Variants in DYM observed in about 807,000 individuals in gnomAD.
DYM encodes the protein dymeclin.
Under a neutral mutation model 93.1 loss-of-function variants are expected in DYM, and 78 were observed. That is an observed-to-expected ratio of 0.84 (90% CI 0.70 to 1.01). The LOEUF (loss-of-function observed/expected upper bound fraction) is 1.01, where lower values mean the gene tolerates loss of function less well. Among genes scored for constraint, DYM ranks in the 50% least tolerant of loss-of-function variants. The probability of loss-of-function intolerance (pLI) is 0.00; values close to 1 mark genes in which losing one functional copy is unlikely to be tolerated. For missense variants in DYM, 789 were observed against 845.0 expected (o/e 0.93, Z 0.82); for synonymous variants, 321 against 319.7 (o/e 1.00, Z -0.04).
intron 15 of DYM, among the ~76,000 whole-genome samples, chr18:49,120,324 A>G (rs1177536981): frequency 1.3e-5 from 2 of 152,134 alleles, no homozygotes; most frequent in Non-Finnish European, 2.9e-5. Flanking sequence ...CCACCCAACT[A>G]TATGCTATCT....
chr18:49,080,746 G>A (rs550504563), intron 17 of DYM, among the ~76,000 whole-genome samples: 17 of 148,632 alleles, frequency 1.1e-4, no homozygotes, highest in African/African-American at 3.0e-4. Context: ...CTTCTCAGAC[G>A]GGGCAGCTCC....
At chr18:49,361,113 A>T (rs1599671913) in intron 6 of DYM, among the ~76,000 whole-genome samples, 1 of 152,324 alleles carries the variant, frequency 6.6e-6, no homozygotes, top group East Asian at 1.9e-4. Flanking sequence ...GCACCACTCT[A>T]AACAATACTG....
At chr18:49,066,838 T>C (rs2076430171) in intron 17 of DYM, among the ~76,000 whole-genome samples, 2 of 152,176 alleles carry the variant, frequency 1.3e-5, no homozygotes, top group African/African-American at 2.4e-5. Flanking sequence ...CTATCATACT[T>C]GCATCTTGGC....
rs540571447 is a variant in DYM at position 49,161,152 on chromosome 18, C to G, written c.1728+2533G>C. Among the ~76,000 whole-genome samples the G allele has an allele frequency of 1.0e-4, 15 of 150,438 alleles. No homozygotes were observed. The South Asian group carries it at 3.2e-3, about 32-fold the overall frequency. On this transcript the variant is annotated intron_variant, in intron 15 of 17. Coordinates refer to ENST00000675505, the MANE Select transcript of DYM (RefSeq NM_001353214.3). Reference sequence around the variant, plus strand: ...GGAATTTTCCCACTATTTCTAGAAGCAGATGCTTTAAGAAATTCATTTTTA... The same window carrying G: ...GGAATTTTCCCACTATTTCTAGAAGGAGATGCTTTAAGAAATTCATTTTTA...
intron 15 of DYM, among the ~76,000 whole-genome samples, chr18:49,153,452 C>T (rs930247505): frequency 2.6e-5 from 4 of 152,254 alleles, no homozygotes; most frequent in South Asian, 4.2e-4. Context: ...ATTTCATGAT[C>T]CTCCTGGAGA....
intron 17 of DYM, among the ~76,000 whole-genome samples, chr18:49,070,241 T>C (rs1331680948): frequency 6.6e-6 from 1 of 152,198 alleles, no homozygotes; most frequent in Non-Finnish European, 1.5e-5. Flanking sequence ...TGGCTAACAG[T>C]TACTGAGAGC....
At chr18:49,302,216 T>A (rs1050871583) in intron 8 of DYM, among the ~76,000 whole-genome samples, 2 of 152,128 alleles carry the variant, frequency 1.3e-5, no homozygotes, top group East Asian at 1.9e-4. Context: ...TTACCAAGAC[T>A]CTCTGAAATA....
At chr18:49,257,197 T>C (rs1361140924) in intron 12 of DYM, 93 bp from the exon 13 acceptor site, 3 of 946,118 alleles carry the variant, frequency 3.2e-6, no homozygotes, top group Non-Finnish European at 5.1e-6. Flanking sequence ...GTAAACTCAG[T>C]TGTCACTGAT....
rs1439048103 is a variant in DYM, at chr18:49,036,997, G to T, written c.*7058C>A. On this transcript the variant is annotated 3_prime_UTR_variant, in exon 18 of 18. Transcript: ENST00000675505. Reference sequence around the variant, plus strand: ...GCCCACTGAACCCTCCACCTCCCAGGTTCAAGCAATTCTCTTGCCTCAGCC... The same window carrying T: ...GCCCACTGAACCCTCCACCTCCCAGTTTCAAGCAATTCTCTTGCCTCAGCC... Among the ~76,000 whole-genome samples the T allele has an allele frequency of 6.6e-6, 1 of 152,074 alleles. No homozygotes were observed. The highest frequency in any genetic ancestry group is 1.5e-5 in the Non-Finnish European group (1 of 68,028).
At chr18:49,224,510 G>A (rs994555994) in intron 13 of DYM, among the ~76,000 whole-genome samples, 8 of 152,040 alleles carry the variant, frequency 5.3e-5, no homozygotes, top group Admixed American at 1.3e-4. Context: ...TAGCCCCCAA[G>A]GTGATGGTAT....
intron 1 of DYM, among the ~76,000 whole-genome samples, chr18:49,456,226 G>A (rs1417686325): frequency 6.6e-6 from 1 of 152,218 alleles, no homozygotes; most frequent in Admixed American, 6.5e-5. Context: ...CTGGGTTCCT[G>A]ATGACAGCAG....
chr18:49,304,311 G>C (rs1308267474), intron 8 of DYM, among the ~76,000 whole-genome samples: 1 of 152,116 alleles, frequency 6.6e-6, no homozygotes, highest in Admixed American at 6.5e-5. Context: ...GAGGCCAACA[G>C]CCTTAACCCA....
chr18:49,189,126 G>C (rs1297360629), intron 14 of DYM, among the ~76,000 whole-genome samples: 1 of 152,158 alleles, frequency 6.6e-6, no homozygotes, highest in Non-Finnish European at 1.5e-5. Flanking sequence ...ACATAAAGAT[G>C]GGAATAACAG....
rs540189318 is a variant in DYM, at chr18:49,195,916, C to CTTTTTTTTTTTTTTTTTTTTTTTTT, written c.1625+13610_1625+13634dup. 2.4e-5 allele frequency among the ~76,000 whole-genome samples: 2 copies of CTTTTTTTTTTTTTTTTTTTTTTTTT among 84,038 alleles called. 1 individual carries two copies. The highest frequency in any genetic ancestry group is 1.1e-4 in the African/African-American group (2 of 17,748). 55.1% of individuals were successfully genotyped at this position (84,038 alleles called of 152,430 possible). Reference sequence around the variant, plus strand: ...ATTATGCTCTCTTGAATGCTACCATCTTTTTTTTTTTTTTTTTTTTTTTTT... The same window carrying CTTTTTTTTTTTTTTTTTTTTTTTTT: ...ATTATGCTCTCTTGAATGCTACCATCTTTTTTTTTTTTTTTTTTTTTTTTTTTTTTTTTTTTTTTTTTTTTTTTTT... On this transcript the variant is annotated intron_variant, in intron 14 of 17. Transcript: ENST00000675505.
chr18:49,147,642 G>A (rs534186204), intron 15 of DYM, among the ~76,000 whole-genome samples: 1 of 152,040 alleles, frequency 6.6e-6, no homozygotes, highest in Non-Finnish European at 1.5e-5. Context: ...ACCACAATGA[G>A]ATACCATCTC....
chr18:49,073,087 G>A (rs7238809), intron 17 of DYM, among the ~76,000 whole-genome samples: 107 of 152,308 alleles, frequency 7.0e-4, no homozygotes, highest in African/African-American at 2.4e-3. Context: ...ATAAATAAGA[G>A]TAAAACATAG....
intron 2 of DYM, chr18:49,417,839 T>C (rs1385067073): frequency 6.6e-6 from 1 of 152,146 alleles, no homozygotes; most frequent in East Asian, 1.9e-4. Context: ...GGCAAGCGAA[T>C]CACCTGAGGT....
At chr18:49,354,849 C>G (rs2065406795) in intron 6 of DYM, among the ~76,000 whole-genome samples, 1 of 152,124 alleles carries the variant, frequency 6.6e-6, no homozygotes, top group Non-Finnish European at 1.5e-5. Flanking sequence ...CTGGTACAGG[C>G]ATTTTGGAAG....
At chr18:49,424,849 C>T (rs1358947452) in intron 2 of DYM, among the ~76,000 whole-genome samples, 3 of 152,044 alleles carry the variant, frequency 2.0e-5, no homozygotes, top group African/African-American at 4.8e-5. Flanking sequence ...ATGTGAAAGA[C>T]CTCTTCAAGG....
Sources: allele counts gnomAD v4.1 joint callset (sites outside exome capture counted in the v4.1 genomes callset), GRCh38; gene constraint gnomAD v4.1.1; transcripts MANE v1.5; gene names NCBI Gene and HGNC (gene_info 2026-07-23, HGNC 2026-07-21).